Variants in PPP2R2B observed in about 807,000 individuals in gnomAD.
PPP2R2B encodes protein phosphatase 2 regulatory subunit Bbeta, also known as serine/threonine-protein phosphatase 2A 55 kDa regulatory subunit B beta isoform.
A neutral mutation model predicts 46.0 loss-of-function variants in PPP2R2B; 5 were observed. The observed-to-expected ratio is 0.11, with a 90% CI of 0.06 to 0.23. PPP2R2B has a LOEUF of 0.23. Ranked by LOEUF, PPP2R2B falls within the 10% of genes least tolerant of loss-of-function variation. The pLI, the probability that PPP2R2B is intolerant of heterozygous loss-of-function variation, is 1.00. For missense variants in PPP2R2B, 367 were observed against 575.0 expected (o/e 0.64, Z 3.70); for synonymous variants, 215 against 206.7 (o/e 1.04, Z -0.34).
At chr5:146,767,323 C>T (rs907802884) in intron 2 of PPP2R2B, among the ~76,000 whole-genome samples, 1 of 152,078 alleles carries the variant, frequency 6.6e-6, no homozygotes, top group Non-Finnish European at 1.5e-5. Context: ...TCATTTAATT[C>T]ATACTTTGCC....
At chr5:146,868,158 G>A (rs779986761) in intron 2 of PPP2R2B, among the ~76,000 whole-genome samples, 2 of 152,214 alleles carry the variant, frequency 1.3e-5, no homozygotes, top group African/African-American at 2.4e-5. Flanking sequence ...GCCCAGGACT[G>A]TCTCCAGCAT....
In PPP2R2B at chr5:146,585,316, G is replaced by A. The variant is rs1770098922; in HGVS notation, c.*4631C>T. On this transcript the variant is annotated 3_prime_UTR_variant, in exon 10 of 10. Transcript: ENST00000394411. Reference sequence around the variant, plus strand: ...CACACACACACATAATGTATGATGGGGATAGTGGATAAGAACTTTAACTAA... The same window carrying A: ...CACACACACACATAATGTATGATGGAGATAGTGGATAAGAACTTTAACTAA... The A allele has an allele frequency of 7.0e-6, 1 of 142,084 alleles. No homozygotes were observed. The highest frequency in any genetic ancestry group is 1.5e-5 in the Non-Finnish European group (1 of 66,548). The allele number at this position is 142,084 out of a possible 1,614,324, so 8.8% of individuals were successfully genotyped here.
chr5:146,746,050 CAGTT>C (rs1031148830), intron 2 of PPP2R2B, among the ~76,000 whole-genome samples: 6 of 152,086 alleles, frequency 3.9e-5, no homozygotes, highest in East Asian at 1.9e-4. Context: ...GATGCACACA[CAGTT>C]AGTTCTTGGC....
At chr5:146,653,786 G>C (rs1351562627) in intron 5 of PPP2R2B, among the ~76,000 whole-genome samples, 1 of 152,166 alleles carries the variant, frequency 6.6e-6, no homozygotes, top group Non-Finnish European at 1.5e-5. Flanking sequence ...TACTTAATGG[G>C]GAAGGGCTCC....
upstream of PPP2R2B, among the ~76,000 whole-genome samples, chr5:147,059,228 A>G (rs1195308556): frequency 4.6e-5 from 7 of 152,222 alleles, no homozygotes; most frequent in East Asian, 1.3e-3. Context: ...GGGCTATGAC[A>G]GCAGGAAGAG....
chr5:146,676,916 G>C (rs75227806), intron 5 of PPP2R2B, among the ~76,000 whole-genome samples: 10 of 152,280 alleles, frequency 6.6e-5, no homozygotes, highest in African/African-American at 2.4e-4. Context: ...AATTGGGACT[G>C]GTGTGGCGGT....
chr5:146,720,018 G>C (rs1780707483), intron 2 of PPP2R2B, among the ~76,000 whole-genome samples: 1 of 152,030 alleles, frequency 6.6e-6, no homozygotes, highest in Non-Finnish European at 1.5e-5. Context: ...TCAAGTGCCA[G>C]CTCCCATTTA....
Position 146,938,751 on chromosome 5 carries a change from C to CTTT in PPP2R2B, c.79+116911_79+116913dup, listed in dbSNP as rs33961672. 2.2e-3 allele frequency among the ~76,000 whole-genome samples: 143 copies of CTTT among 65,974 alleles called. 22 individuals are homozygous for CTTT. The highest frequency in any genetic ancestry group is 7.5e-3 in the African/African-American group (111 of 14,822). 43.3% of individuals were successfully genotyped at this position (65,974 alleles called of 152,430 possible). A position where few individuals can be genotyped will look rare whatever the true frequency, so the allele number is the denominator to read the frequency against. ...GGAAAACTACTGGTTAGATAATAGCCTTTTTTTTTTTTTTTTTTTTTTTTT... is the reference window on the plus strand; with the variant it reads ...GGAAAACTACTGGTTAGATAATAGCCTTTTTTTTTTTTTTTTTTTTTTTTTTTT... On this transcript the variant is annotated intron_variant, in intron 1 of 8. Coordinates refer to the PPP2R2B transcript ENST00000336640.
At chr5:147,047,496 G>A (rs982377384) in intron 1 of PPP2R2B, among the ~76,000 whole-genome samples, 6 of 151,942 alleles carry the variant, frequency 3.9e-5, no homozygotes, top group African/African-American at 1.2e-4. Context: ...TGATTTCTGA[G>A]GCCTCTACTA....
At position 146,799,775 on chromosome 5, in the gene PPP2R2B, G is replaced by A. The variant is rs984434431; in HGVS notation, c.70+78227C>T. On this transcript the variant is annotated intron_variant, in intron 2 of 9. Transcript: ENST00000394411. ...ATGTTCTGTTTATAAAACTGCAAAC[G>A]AATTTAGGGGTTATGAGTAAAGCCA... Among the ~76,000 whole-genome samples, 13 of 152,308 alleles carry A rather than the reference G, an allele frequency of 8.5e-5. No individual in the cohort carries two copies. In the East Asian group the frequency reaches 1.5e-3, roughly 18 times the overall value.
At chr5:147,010,531 G>A (rs1376608389) in intron 1 of PPP2R2B, among the ~76,000 whole-genome samples, 3 of 152,128 alleles carry the variant, frequency 2.0e-5, no homozygotes, top group Non-Finnish European at 4.4e-5. Flanking sequence ...CATAAGGTGT[G>A]TGCAACCTAA....
chr5:146,762,374 C>T (rs956587287), intron 2 of PPP2R2B, among the ~76,000 whole-genome samples: 1 of 151,972 alleles, frequency 6.6e-6, no homozygotes, highest in Non-Finnish European at 1.5e-5. Context: ...AAAATAGTAC[C>T]GAAAGCTGCA....
At chr5:146,952,019 G>A (rs1409363279) in intron 1 of PPP2R2B, among the ~76,000 whole-genome samples, 1 of 149,398 alleles carries the variant, frequency 6.7e-6, no homozygotes, top group Non-Finnish European at 1.5e-5. Context: ...CTTAATGTAG[G>A]TGATCCACCC....
chr5:146,718,647 C>T (rs1203624119), intron 2 of PPP2R2B, among the ~76,000 whole-genome samples: 1 of 152,184 alleles, frequency 6.6e-6, no homozygotes, highest in African/African-American at 2.4e-5. Context: ...CACCCTTCTG[C>T]TACTTAAATT....
chr5:146,650,469 C>T, intron 6 of PPP2R2B, 78 bp downstream of exon 6: 1 of 1,364,896 alleles, frequency 7.3e-7, no homozygotes. Flanking sequence ...ATTTCTATTC[C>T]ATATTTTCTC....
intron 1 of PPP2R2B, among the ~76,000 whole-genome samples, chr5:147,001,066 T>C (rs962972156): frequency 6.6e-6 from 1 of 152,130 alleles, no homozygotes; most frequent in African/African-American, 2.4e-5. Context: ...GCTAAAGGTT[T>C]GTAAATTCTC....
At chr5:146,878,798 C>G, upstream of PPP2R2B, 4 of 1,278,450 alleles carry the variant, frequency 3.1e-6, no homozygotes, top group Non-Finnish European at 4.1e-6. This position sits in a 1 kb window ranked among gnomAD's most constrained non-coding sequence, Gnocchi z 4.5. Context: ...AGGCGAGGCT[C>G]CTCCCAACCG....
upstream of PPP2R2B, among the ~76,000 whole-genome samples, chr5:147,059,239 G>A (rs573310126): frequency 5.9e-5 from 9 of 152,228 alleles, no homozygotes; most frequent in African/African-American, 2.2e-4. Context: ...GCAGGAAGAG[G>A]ATACGAAAAG....
At chr5:146,651,248 A>G (rs1186468889) in intron 5 of PPP2R2B, among the ~76,000 whole-genome samples, 1 of 152,154 alleles carries the variant, frequency 6.6e-6, no homozygotes, top group Non-Finnish European at 1.5e-5. Flanking sequence ...CCAAGACTCT[A>G]ATCGTCCAAA....
Sources: allele counts gnomAD v4.1 joint callset (sites outside exome capture counted in the v4.1 genomes callset), GRCh38; gene constraint gnomAD v4.1.1; non-coding constraint Gnocchi (gnomAD v3.1); transcripts MANE v1.5; gene names NCBI Gene and HGNC (gene_info 2026-07-23, HGNC 2026-07-21).